BCAS3: variants seen among roughly 807,000 people sequenced by gnomAD.
BCAS3 encodes the protein BCAS3 microtubule associated cell migration factor.
In BCAS3, 53 loss-of-function variants were observed where a neutral mutation model predicts 116.1. The observed-to-expected ratio is 0.46, with a 90% CI of 0.37 to 0.57. BCAS3 has a LOEUF of 0.57. Among genes scored for constraint, BCAS3 ranks in the 20% least tolerant of loss-of-function variants. The pLI is 0.00. For missense variants in BCAS3, 917 were observed against 1,165.4 expected, an observed-to-expected ratio of 0.79 and a Z score of 3.10; for synonymous variants, 391 against 408.2, an observed-to-expected ratio of 0.96 and a Z score of 0.51.
chr17:61,032,599 G>A lies in BCAS3; in HGVS notation c.1638-2067G>A, dbSNP rs1202890187. On this transcript the variant is annotated intron_variant, in intron 16 of 23. Transcript: ENST00000407086. This position sits in a 1 kb window ranked among gnomAD's most constrained non-coding sequence, Gnocchi z 4.6. Reference sequence around the variant, plus strand: ...ACCAGAAAGAACAATTCTGATGCCAGTGACCCAGATATCATGGGAAGGTGC... The same window carrying A: ...ACCAGAAAGAACAATTCTGATGCCAATGACCCAGATATCATGGGAAGGTGC... 6.6e-6 allele frequency among the ~76,000 whole-genome samples: 1 copy of A among 152,164 alleles called. No homozygotes were observed. Among genetic ancestry groups the A allele is most frequent in the Non-Finnish European group, 1.5e-5 (1 of 68,020 alleles).
At chr17:61,127,286 G>T (rs1268518570) in intron 22 of BCAS3, among the ~76,000 whole-genome samples, 1 of 152,120 alleles carries the variant, frequency 6.6e-6, no homozygotes, top group African/African-American at 2.4e-5. Flanking sequence ...CAAGGAGCCA[G>T]GTTAGCGAAG....
At chr17:61,049,781 A>G (rs1265547506) in intron 19 of BCAS3, among the ~76,000 whole-genome samples, 3 of 129,354 alleles carry the variant, frequency 2.3e-5, no homozygotes, top group African/African-American at 9.0e-5. Flanking sequence ...TGCCCAGGCT[A>G]GAGTGCAATG....
At chr17:60,943,340 A>G (rs1053832642) in intron 13 of BCAS3, among the ~76,000 whole-genome samples, 5 of 152,112 alleles carry the variant, frequency 3.3e-5, no homozygotes, top group Admixed American at 2.0e-4. Context: ...AGAGCACCCA[A>G]CTGTTATCTA....
In BCAS3 at chr17:61,392,226, C is replaced by T. The variant is rs1296462588; in HGVS notation, c.*101C>T. On this transcript the variant is annotated 3_prime_UTR_variant, in exon 24 of 24. Coordinates refer to ENST00000407086, the MANE Select transcript of BCAS3 (RefSeq NM_017679.5). The surrounding 1 kb of genome is among the most constrained non-coding windows in gnomAD (Gnocchi z 6.4). Reference sequence around the variant, plus strand: ...CCTTCAGTCTCTGCTCTTCCTTCATCAACCACCTTCCCCAAGCTTAGTGAC... The same window carrying T: ...CCTTCAGTCTCTGCTCTTCCTTCATTAACCACCTTCCCCAAGCTTAGTGAC... 2.2e-6 allele frequency: 3 copies of T among 1,380,078 alleles called. No individual in the cohort carries two copies. The highest frequency in any genetic ancestry group is 3.0e-6 in the Non-Finnish European group (3 of 1,016,524). 85.5% of individuals were successfully genotyped at this position (1,380,078 alleles called of 1,614,324 possible). A position where few individuals can be genotyped will look rare whatever the true frequency, so the allele number is the denominator to read the frequency against.
intron 22 of BCAS3, among the ~76,000 whole-genome samples, chr17:61,119,054 G>A (rs1455030504): frequency 6.6e-6 from 1 of 152,164 alleles, no homozygotes; most frequent in Non-Finnish European, 1.5e-5. Flanking sequence ...AAGCAAGGCT[G>A]ACAGTTAAGT....
At chr17:60,929,350 A>C (rs1451585485) in intron 13 of BCAS3, among the ~76,000 whole-genome samples, 3 of 152,044 alleles carry the variant, frequency 2.0e-5, no homozygotes, top group Non-Finnish European at 4.4e-5. Context: ...ACTTGCTTGA[A>C]CCAAGAAGTT....
rs1401075450 is a variant in BCAS3, at chr17:61,348,933, T to G, written c.2426-19394T>G. 6.6e-6 allele frequency among the ~76,000 whole-genome samples: 1 copy of G among 151,958 alleles called. No homozygotes were observed. Among genetic ancestry groups the G allele is most frequent in the Non-Finnish European group, 1.5e-5 (1 of 68,004 alleles). ...ACACACGGCTAACTTTTTGTATTTT[T>G]GGTAGAGATGGGGTTTCACCGTGTT... On this transcript the variant is annotated intron_variant, in intron 22 of 23. Transcript: ENST00000407086. This position sits in a 1 kb window ranked among gnomAD's most constrained non-coding sequence, Gnocchi z 4.5.
chr17:60,726,644 G>A (rs1251216312), intron 5 of BCAS3, among the ~76,000 whole-genome samples: 1 of 151,950 alleles, frequency 6.6e-6, no homozygotes, highest in Admixed American at 6.6e-5. Context: ...CGAGTAGCTG[G>A]GACTACAGAT....
intron 7 of BCAS3, among the ~76,000 whole-genome samples, chr17:60,855,973 G>A (rs1057395447): frequency 3.9e-5 from 6 of 152,026 alleles, no homozygotes; most frequent in African/African-American, 7.2e-5. Flanking sequence ...GTGAGCCGCC[G>A]CGCCTGGGCT....
At chr17:60,955,626 C>T (rs1042585559) in intron 14 of BCAS3, among the ~76,000 whole-genome samples, 1 of 151,968 alleles carries the variant, frequency 6.6e-6, no homozygotes, top group Non-Finnish European at 1.5e-5. Context: ...CCTTGTGATC[C>T]GCCCTCCTTG....
intron 22 of BCAS3, among the ~76,000 whole-genome samples, chr17:61,154,916 GTT>G (rs61237614): frequency 4.2e-5 from 6 of 143,790 alleles, no homozygotes; most frequent in African/African-American, 2.5e-5. Flanking sequence ...AATGCAACTG[GTT>G]TTTTTTTTTT....
At chr17:60,714,584 C>T (rs965782018) in intron 5 of BCAS3, among the ~76,000 whole-genome samples, 2 of 152,094 alleles carry the variant, frequency 1.3e-5, no homozygotes, top group Non-Finnish European at 2.9e-5. Flanking sequence ...ACCCAGGAGG[C>T]GGAGGTTGCA....
chr17:60,702,805 G>T (rs2036588407), intron 4 of BCAS3, among the ~76,000 whole-genome samples: 1 of 151,662 alleles, frequency 6.6e-6, no homozygotes, highest in African/African-American at 2.4e-5. Context: ...TGCCCAGGCT[G>T]GTCTCAAACT....
At chr17:60,864,631 C>G (rs2054438055) in intron 7 of BCAS3, among the ~76,000 whole-genome samples, 1 of 152,190 alleles carries the variant, frequency 6.6e-6, no homozygotes, top group South Asian at 2.1e-4. Context: ...TCTTCTCATT[C>G]ATGTGTTCAC....
At position 61,261,903 on chromosome 17, in the gene BCAS3, A is replaced by G. The variant is rs1414921061; in HGVS notation, c.2426-106424A>G. Among the ~76,000 whole-genome samples, 2 of 152,222 alleles carry G rather than the reference A, an allele frequency of 1.3e-5. No homozygotes were observed. Among genetic ancestry groups the G allele is most frequent in the Non-Finnish European group, 2.9e-5 (2 of 68,040 alleles). On this transcript the variant is annotated intron_variant, in intron 22 of 23. Coordinates refer to ENST00000407086, the MANE Select transcript of BCAS3 (RefSeq NM_017679.5). This position sits in a 1 kb window ranked among gnomAD's most constrained non-coding sequence, Gnocchi z 4.4. The stretch of plus-strand genomic sequence containing the variant: ...TTAAAGACACATGGAAGCTGGGGGC[A>G]GAGCTTTAGAATTTAGGATGGTTTT...
In BCAS3 at chr17:61,196,630, G is replaced by C. The variant is rs1231562902; in HGVS notation, c.2425+112066G>C. The stretch of plus-strand genomic sequence containing the variant: ...CCACATAGACTTCCGATTCGAATTA[G>C]AAATGAAAAGAGGAGAGGAAAGGGA... On this transcript the variant is annotated intron_variant, in intron 22 of 23. Transcript: ENST00000407086. This position sits in a 1 kb window ranked among gnomAD's most constrained non-coding sequence, Gnocchi z 4.7. Among the ~76,000 whole-genome samples the C allele has an allele frequency of 1.3e-5, 2 of 152,174 alleles. No individual in the cohort carries two copies. Among genetic ancestry groups the C allele is most frequent in the African/African-American group, 4.8e-5 (2 of 41,450 alleles).
At chr17:61,044,465 A>AAATATAT in intron 19 of BCAS3, among the ~76,000 whole-genome samples, 3 of 120,126 alleles carry the variant, frequency 2.5e-5, no homozygotes, top group African/African-American at 1.5e-4. Flanking sequence ...AAAAAAAAAA[A>AAATATAT]ATATATATAT....
rs1482215941 is a variant in BCAS3, at chr17:60,747,222, T to C, written c.346T>C (p.Phe116Leu). The C allele has an allele frequency of 6.2e-6, 10 of 1,613,344 alleles. No individual in the cohort carries two copies. The highest frequency in any genetic ancestry group is 1.1e-5 in the South Asian group (1 of 91,030). ...GATCAGTGGTGAAGCACAAGAGCTCTTCTCTGTTCGACATGGCCCAATTCG... is the reference window on the plus strand; with the variant it reads ...GATCAGTGGTGAAGCACAAGAGCTCCTCTCTGTTCGACATGGCCCAATTCG... ...IPISGEAQEL[F>L]SVRHGPIRAA... Residue 116 changes from phenylalanine to leucine, a missense_variant, in exon 6 of 24, where the codon TTC (phenylalanine) becomes CTC (leucine). Coordinates refer to ENST00000407086, the MANE Select transcript of BCAS3 (RefSeq NM_017679.5).
At chr17:60,998,930 A>AACG (rs1200759261) in intron 15 of BCAS3, among the ~76,000 whole-genome samples, 1 of 151,996 alleles carries the variant, frequency 6.6e-6, no homozygotes, top group East Asian at 1.9e-4. Context: ...TTTCTTCTAG[A>AACG]ATTTTTATAG....
Sources: gnomAD v4.1 joint callset for allele counts (sites outside exome capture counted in the v4.1 genomes callset) on GRCh38, gnomAD v4.1.1 for gene constraint, Gnocchi (gnomAD v3.1) non-coding constraint, MANE v1.5 for transcripts, NCBI Gene and HGNC (gene_info 2026-07-23, HGNC 2026-07-21) for gene names.